The following FGF12 variants were observed in gnomAD, a reference collection of about 807,000 sequenced individuals.
FGF12 encodes fibroblast growth factor 12B.
FGF12 carries 14 observed loss-of-function variants against 23.6 expected under a neutral mutation model. The ratio of observed to expected loss-of-function variants is 0.59; its 90% CI spans 0.39 to 0.93. The LOEUF is 0.93. FGF12 is among the 40% of genes least tolerant of loss of function. The pLI, the probability that FGF12 is intolerant of heterozygous loss-of-function variation, is 0.00. For synonymous variants in FGF12, 62 were observed against 77.3 expected (o/e 0.80, Z 1.04); for missense variants, 175 against 217.8 (o/e 0.80, Z 1.24).
At chr3:192,189,102 T>G (rs56039730) in intron 4 of FGF12, among the ~76,000 whole-genome samples, 3,946 of 152,266 alleles carry the variant, frequency 0.026, 166 homozygotes, top group African/African-American at 0.089. Context: ...TACTTGACAT[T>G]TCATGCCAGC....
At chr3:192,442,834 G>A (rs1316725607) in intron 2 of FGF12, among the ~76,000 whole-genome samples, 1 of 148,126 alleles carries the variant, frequency 6.8e-6, no homozygotes, top group Non-Finnish European at 1.5e-5. Flanking sequence ...TTGAGACAGA[G>A]TCTCATTCTG....
chr3:192,602,448 G>T (rs1008352667), intron 2 of FGF12, among the ~76,000 whole-genome samples: 10 of 152,008 alleles, frequency 6.6e-5, no homozygotes, highest in African/African-American at 2.2e-4. Flanking sequence ...ATCCAACTAA[G>T]CAAATCCTTC....
At chr3:192,326,848 G>C (rs772488424) in intron 4 of FGF12, among the ~76,000 whole-genome samples, 3 of 152,148 alleles carry the variant, frequency 2.0e-5, no homozygotes, top group South Asian at 4.1e-4. Flanking sequence ...ACAATGCTGA[G>C]TGACCTCATT....
At chr3:192,502,578 T>C (rs1327903848) in intron 2 of FGF12, among the ~76,000 whole-genome samples, 1 of 152,194 alleles carries the variant, frequency 6.6e-6, no homozygotes, top group East Asian at 1.9e-4. Flanking sequence ...TGTGATTACT[T>C]TTTCTGGACC....
At chr3:192,576,539 A>C (rs757869622) in intron 2 of FGF12, among the ~76,000 whole-genome samples, 1 of 152,238 alleles carries the variant, frequency 6.6e-6, no homozygotes, top group African/African-American at 2.4e-5. Context: ...CTGAGGGGAA[A>C]TCAGGTCAAT....
chr3:192,610,488 G>A (rs187650490), intron 2 of FGF12, among the ~76,000 whole-genome samples: 98 of 152,036 alleles, frequency 6.4e-4, no homozygotes, highest in Admixed American at 2.2e-3. Flanking sequence ...TTTATCTCCC[G>A]TTGTTAACAC....
At position 192,399,862 on chromosome 3, in the gene FGF12, C is replaced by G. The variant is rs540307924; in HGVS notation, c.14-39324G>C. 2.0e-5 allele frequency among the ~76,000 whole-genome samples: 3 copies of G among 152,312 alleles called. No homozygotes were observed. In the East Asian group the frequency reaches 5.8e-4, roughly 29 times the overall value. On this transcript the variant is annotated intron_variant, in intron 2 of 5. Transcript: ENST00000445105. The stretch of plus-strand genomic sequence containing the variant: ...GTTTGGTCTTAGGCCTTAGGGCCCT[C>G]TCTACTGACTCCTGAAAAGTAACGA...
chr3:192,276,231 A>C (rs1713777091), intron 4 of FGF12, among the ~76,000 whole-genome samples: 1 of 152,196 alleles, frequency 6.6e-6, no homozygotes, highest in South Asian at 2.1e-4. Flanking sequence ...TAAGCACTAA[A>C]GTTTCTTTTC....
At chr3:192,439,845 T>C (rs535581169) in intron 2 of FGF12, among the ~76,000 whole-genome samples, 46 of 151,686 alleles carry the variant, frequency 3.0e-4, no homozygotes, top group South Asian at 1.7e-3. Flanking sequence ...GGTGTGGTGG[T>C]GGGCGCCTGT....
At chr3:192,464,260 A>C (rs1722943558) in intron 2 of FGF12, among the ~76,000 whole-genome samples, 2 of 152,084 alleles carry the variant, frequency 1.3e-5, no homozygotes, top group African/African-American at 4.8e-5. Flanking sequence ...TACTGTACCC[A>C]GTGGGTAGTC....
At chr3:192,545,424 T>C (rs1213647590) in intron 2 of FGF12, among the ~76,000 whole-genome samples, 1 of 152,220 alleles carries the variant, frequency 6.6e-6, no homozygotes, top group Non-Finnish European at 1.5e-5. Context: ...CAACGACCTC[T>C]GAAAAAGCTT....
In FGF12 at chr3:192,571,549, CA is replaced by C. The variant is rs199998157; in HGVS notation, c.13+155631del. Among the ~76,000 whole-genome samples the C allele has an allele frequency of 9.8e-3, 1,495 of 152,310 alleles. 15 individuals carry two copies. The highest frequency in any genetic ancestry group is 0.016 in the Non-Finnish European group (1,107 of 68,026). On this transcript the variant is annotated intron_variant, in intron 2 of 5. Coordinates refer to ENST00000445105, the MANE Select transcript of FGF12 (RefSeq NM_004113.6). ...GGTCCAGACTTTCCATCCGAGAAAGCAAAAGCTTTCAGTATCCAACTTATTA... is the reference window on the plus strand; with the variant it reads ...GGTCCAGACTTTCCATCCGAGAAAGCAAAGCTTTCAGTATCCAACTTATTA...
intron 2 of FGF12, among the ~76,000 whole-genome samples, chr3:192,415,737 C>T (rs11705795): frequency 0.13 from 3,831 of 29,012 alleles, 74 homozygotes; most frequent in African/African-American, 0.16. Context: ...CTCTCTCACA[C>T]ACACACACAC....
chr3:192,195,736 A>G (rs919624378), intron 4 of FGF12, among the ~76,000 whole-genome samples: 1 of 152,158 alleles, frequency 6.6e-6, no homozygotes, highest in Non-Finnish European at 1.5e-5. Context: ...ATATGTATGT[A>G]TGTGTATATA....
intron 4 of FGF12, among the ~76,000 whole-genome samples, chr3:192,235,649 G>A (rs1719255421): frequency 6.6e-6 from 1 of 152,152 alleles, no homozygotes. Flanking sequence ...TTGGTGTGCA[G>A]AGAGGTGTTC....
At chr3:192,436,368 A>G (rs551929218) in intron 2 of FGF12, among the ~76,000 whole-genome samples, 1 of 152,318 alleles carries the variant, frequency 6.6e-6, no homozygotes, top group African/African-American at 2.4e-5. Context: ...ATAGTCATAC[A>G]CAGCAGAATC....
At chr3:192,550,835 TTAAAA>T (rs1711511363) in intron 2 of FGF12, among the ~76,000 whole-genome samples, 2 of 152,234 alleles carry the variant, frequency 1.3e-5, no homozygotes, top group African/African-American at 4.8e-5. Context: ...TAAAAATACT[TTAAAA>T]TACTCAAATA....
rs9828573 is a variant in FGF12, at chr3:192,424,509, C to T, written c.14-63971G>A. ...GTTGCAGCATCTGATAGTCACATAA[C>T]TAATTTCTTTAATTAGTTCACCCCT... On this transcript the variant is annotated intron_variant, in intron 2 of 5. Coordinates refer to ENST00000445105, the MANE Select transcript of FGF12 (RefSeq NM_004113.6). 6.2e-3 allele frequency among the ~76,000 whole-genome samples: 948 copies of T among 152,278 alleles called. 8 individuals carry two copies. The highest frequency in any genetic ancestry group is 0.022 in the African/African-American group (906 of 41,556).
chr3:192,282,949 T>C (rs1714235809), intron 4 of FGF12: 1 of 152,098 alleles, frequency 6.6e-6, no homozygotes, highest in African/African-American at 2.4e-5. Context: ...CATAAACAGA[T>C]AAAATGGATG....
Sources: gnomAD v4.1 joint callset for allele counts (sites outside exome capture counted in the v4.1 genomes callset) on GRCh38, gnomAD v4.1.1 for gene constraint, MANE v1.5 for transcripts, NCBI Gene and HGNC (gene_info 2026-07-23, HGNC 2026-07-21) for gene names.